FUT8: variants seen among roughly 807,000 people sequenced by gnomAD.
The protein encoded by FUT8 is alpha-(1,6)-fucosyltransferase.
In FUT8, 29 loss-of-function variants were observed where a neutral mutation model predicts 71.3. The ratio of observed to expected loss-of-function variants is 0.41; its 90% CI spans 0.30 to 0.55. The LOEUF (loss-of-function observed/expected upper bound fraction) is 0.55, where lower values mean the gene tolerates loss of function less well. Ranked by LOEUF, FUT8 falls within the 20% of genes least tolerant of loss-of-function variation. The pLI is 0.34. For synonymous variants in FUT8, 254 were observed against 239.3 expected, an observed-to-expected ratio of 1.06 and a Z score of -0.57; for missense variants, 544 against 702.1, an observed-to-expected ratio of 0.77 and a Z score of 2.55.
chr14:65,362,990 A>G, the FUT8 span, among the ~76,000 whole-genome samples: 1 of 135,482 alleles, frequency 7.4e-6, no homozygotes, highest in Non-Finnish European at 1.5e-5. Flanking sequence ...AAAAGAGAAG[A>G]AATTCTGTCC....
At chr14:65,578,975 A>C (rs1448610875) in intron 3 of FUT8, among the ~76,000 whole-genome samples, 2 of 152,152 alleles carry the variant, frequency 1.3e-5, no homozygotes, top group Admixed American at 6.5e-5. Flanking sequence ...AGATTGTAAT[A>C]AGGTTGGTGA....
At chr14:65,404,663 C>T in the FUT8 span, among the ~76,000 whole-genome samples, 3 of 151,676 alleles carry the variant, frequency 2.0e-5, no homozygotes, top group African/African-American at 4.8e-5. Context: ...TTAGTAGAGA[C>T]GGGGTTTCAC....
chr14:65,415,896 A>G (rs1427570178), intron 1 of FUT8, among the ~76,000 whole-genome samples: 1 of 152,194 alleles, frequency 6.6e-6, no homozygotes, highest in Non-Finnish European at 1.5e-5. Flanking sequence ...GCTGTAATAA[A>G]TTAGTATGTT....
chr14:65,480,496 T>G (rs2066314111), intron 2 of FUT8, among the ~76,000 whole-genome samples: 1 of 151,654 alleles, frequency 6.6e-6, no homozygotes, highest in South Asian at 2.1e-4. Flanking sequence ...TTGTATTTTT[T>G]GTAGAGACAG....
At chr14:65,411,852 C>T (rs2065128727), upstream of FUT8, 3 of 355,218 alleles carry the variant, frequency 8.4e-6, no homozygotes, top group South Asian at 6.2e-5. Flanking sequence ...CTCGGCGGCA[C>T]CCCTCGTCCC....
At chr14:65,663,391 C>T (rs745582575) in intron 6 of FUT8, among the ~76,000 whole-genome samples, 1 of 151,556 alleles carries the variant, frequency 6.6e-6, no homozygotes, top group Non-Finnish European at 1.5e-5. Context: ...TTTCTAGATA[C>T]GTACTCTGAT....
intron 5 of FUT8, among the ~76,000 whole-genome samples, chr14:65,625,872 A>G (rs1427441238): frequency 3.3e-5 from 5 of 152,198 alleles, no homozygotes; most frequent in Admixed American, 2.6e-4. Flanking sequence ...GCTTTCTGTG[A>G]TAGTAAATAA....
At chr14:65,385,189 G>A in the FUT8 span, among the ~76,000 whole-genome samples, 20 of 152,074 alleles carry the variant, frequency 1.3e-4, no homozygotes, top group Admixed American at 9.2e-4. Context: ...ATGAGCCACC[G>A]CGCCCGGCCT....
At chr14:65,535,639 G>A (rs1179030310) in intron 2 of FUT8, among the ~76,000 whole-genome samples, 1 of 152,078 alleles carries the variant, frequency 6.6e-6, no homozygotes, top group African/African-American at 2.4e-5. Context: ...GCTGTGTTCC[G>A]AGAGAGTAGT....
chr14:65,547,912 C>T (rs1885065218), intron 2 of FUT8, among the ~76,000 whole-genome samples: 1 of 151,868 alleles, frequency 6.6e-6, no homozygotes, highest in Non-Finnish European at 1.5e-5. Flanking sequence ...AGCAGTTTTT[C>T]CATGGTGTCC....
chr14:65,721,989 C>T lies in FUT8; in HGVS notation c.1050C>T (p.Thr350=). 1.2e-6 allele frequency: 2 copies of T among 1,614,108 alleles called. No homozygotes were observed. Among genetic ancestry groups the T allele is most frequent in the Non-Finnish European group, 1.7e-6 (2 of 1,180,002 alleles). Residue 350 remains threonine (T), a synonymous_variant, in exon 8 of 11, where the codon ACC becomes ACT. Coordinates refer to ENST00000673929, the MANE Select transcript of FUT8 (RefSeq NM_001371533.1). ...PWLEKEIEEA[T]KKLGFKHPVI... ...TAGAAAAAGAAATAGAAGAAGCCAC[C>T]AAGAAGCTTGGCTTCAAACATCCAG...
intron 7 of FUT8, among the ~76,000 whole-genome samples, chr14:65,691,937 G>A (rs565905996): frequency 6.6e-6 from 1 of 152,304 alleles, no homozygotes; most frequent in African/African-American, 2.4e-5. Context: ...TAGATCAACA[G>A]GATCCCAAGG....
chr14:65,597,906 T>G (rs911045016), intron 3 of FUT8, among the ~76,000 whole-genome samples: 2 of 151,486 alleles, frequency 1.3e-5, no homozygotes, highest in African/African-American at 2.4e-5. Context: ...TGGTGGCTCA[T>G]GCCTGTAATC....
At chr14:65,673,671 T>C (rs1026133799) in intron 7 of FUT8, among the ~76,000 whole-genome samples, 3 of 152,228 alleles carry the variant, frequency 2.0e-5, no homozygotes, top group Non-Finnish European at 2.9e-5. Flanking sequence ...GCTTGAATAC[T>C]GAGAGACTAG....
chr14:65,713,046 C>G (rs1159603514), intron 7 of FUT8, among the ~76,000 whole-genome samples: 1 of 152,174 alleles, frequency 6.6e-6, no homozygotes, highest in Non-Finnish European at 1.5e-5. Flanking sequence ...TCCCTTACCC[C>G]CCACCTCCCA....
chr14:65,375,698 G>C, the FUT8 span, among the ~76,000 whole-genome samples: 1 of 152,238 alleles, frequency 6.6e-6, no homozygotes, highest in Admixed American at 6.5e-5. Flanking sequence ...TAGGCTCAGA[G>C]AGCCTTGTAG....
chr14:65,613,509 C>T (rs1889116268), intron 3 of FUT8, among the ~76,000 whole-genome samples: 1 of 152,178 alleles, frequency 6.6e-6, no homozygotes, highest in African/African-American at 2.4e-5. Context: ...CACCTAACTA[C>T]TGTATTCATT....
At chr14:65,617,145 T>G (rs1298811958) in intron 5 of FUT8, 2 of 1,594,140 alleles carry the variant, frequency 1.3e-6, no homozygotes, top group Admixed American at 3.7e-5. Context: ...AATTGTTGTA[T>G]TAGCACAACC....
chr14:65,572,920 G>A lies in FUT8; in HGVS notation c.203+11154G>A, dbSNP rs180914534. 5.5e-4 allele frequency among the ~76,000 whole-genome samples: 84 copies of A among 152,292 alleles called. 2 individuals are homozygous for A. In the East Asian group the frequency reaches 0.012, roughly 22 times the overall value. On this transcript the variant is annotated intron_variant, in intron 3 of 10. Coordinates refer to ENST00000673929, the MANE Select transcript of FUT8 (RefSeq NM_001371533.1). ...GAAAATCAGTAAAGATATAGCTGAT[G>A]TGAATAGCATTTTCTTCAATCAGCT...
Sources: allele counts gnomAD v4.1 joint callset (sites outside exome capture counted in the v4.1 genomes callset), GRCh38; gene constraint gnomAD v4.1.1; transcripts MANE v1.5; gene names NCBI Gene and HGNC (gene_info 2026-07-23, HGNC 2026-07-21).